Variants in PLXNA4 observed in about 807,000 individuals in gnomAD.
The protein encoded by PLXNA4 is plexin A4, also known as plexin-A4.
PLXNA4 carries 44 observed loss-of-function variants against 191.8 expected under a neutral mutation model. The ratio of observed to expected loss-of-function variants is 0.23; its 90% confidence interval spans 0.18 to 0.29. PLXNA4 has a LOEUF of 0.29. PLXNA4 is among the 10% of genes least tolerant of loss of function. The probability of loss-of-function intolerance (pLI) is 1.00; values close to 1 mark genes in which losing one functional copy is unlikely to be tolerated. For missense variants in PLXNA4, 1,800 were observed against 2,488.8 expected (o/e 0.72, Z 5.89); for synonymous variants, 1,082 against 1,009.5 (o/e 1.07, Z -1.36).
chr7:132,228,795 T>C (rs1211907580), intron 5 of PLXNA4, among the ~76,000 whole-genome samples: 2 of 152,184 alleles, frequency 1.3e-5, no homozygotes, highest in Non-Finnish European at 2.9e-5. Context: ...GCCATTCTCT[T>C]CTCCTCCTTA....
chr7:132,176,535 T>C (rs1796463034), intron 20 of PLXNA4, among the ~76,000 whole-genome samples: 1 of 152,070 alleles, frequency 6.6e-6, no homozygotes, highest in Non-Finnish European at 1.5e-5. Context: ...TATGTGAGTG[T>C]GTGAGTGTGA....
rs374386591 is a variant in PLXNA4, at chr7:132,620,183, CATA to C, written c.-87+25742_-87+25744del. Among the ~76,000 whole-genome samples the C allele has an allele frequency of 7.7e-3, 1,172 of 152,292 alleles. 10 individuals carry two copies. The highest frequency in any genetic ancestry group is 0.013 in the Non-Finnish European group (885 of 68,026). On this transcript the variant is annotated intron_variant, in intron 2 of 4. Coordinates refer to the PLXNA4 transcript ENST00000378539. ...ATGATCACCTACCAGTCTTGAAAGA[CATA>C]ATGACACATTCAGTATGCACGTTCT...
intron 3 of PLXNA4, among the ~76,000 whole-genome samples, chr7:132,324,973 G>A (rs1183099716): frequency 6.6e-6 from 1 of 152,140 alleles, no homozygotes; most frequent in Non-Finnish European, 1.5e-5. Context: ...AAACAGAGGA[G>A]AGCAGCCTCC....
chr7:132,534,056 T>C (rs1799733488), intron 1 of PLXNA4, among the ~76,000 whole-genome samples: 1 of 151,992 alleles, frequency 6.6e-6, no homozygotes, highest in Non-Finnish European at 1.5e-5. Flanking sequence ...GGTTGCTTTA[T>C]GAGAACTCCC....
intron 14 of PLXNA4, among the ~76,000 whole-genome samples, chr7:132,188,810 C>G (rs916335881): frequency 2.0e-5 from 3 of 151,870 alleles, no homozygotes; most frequent in African/African-American, 4.8e-5. Flanking sequence ...CATTTCACCT[C>G]TCTCATCAAC....
At chr7:132,558,861 T>C (rs1800910820) in intron 1 of PLXNA4, among the ~76,000 whole-genome samples, 1 of 151,962 alleles carries the variant, frequency 6.6e-6, no homozygotes, top group Non-Finnish European at 1.5e-5. Context: ...CATAAGAAGG[T>C]GGTACAAGAA....
intron 16 of PLXNA4, among the ~76,000 whole-genome samples, chr7:132,182,977 T>C (rs1369324001): frequency 6.6e-6 from 1 of 152,144 alleles, no homozygotes; most frequent in Non-Finnish European, 1.5e-5. Context: ...GTGGACTGTG[T>C]CCTCCAGGGG....
intron 2 of PLXNA4, among the ~76,000 whole-genome samples, chr7:132,639,367 T>A (rs10278518): frequency 0.042 from 6,360 of 152,282 alleles, 513 homozygotes; most frequent in East Asian, 0.28. Flanking sequence ...CTGTTTCTAT[T>A]TTCCTGAAAG....
intron 25 of PLXNA4, 65 bp from the exon 26 acceptor site, chr7:132,148,711 C>A (rs937848386): frequency 8.8e-5 from 141 of 1,607,046 alleles, no homozygotes; most frequent in Non-Finnish European, 1.2e-4. Flanking sequence ...AGCTGAGGAC[C>A]CTGTGTAGGT....
chr7:132,530,722 C>T (rs1799586762), intron 1 of PLXNA4, among the ~76,000 whole-genome samples: 1 of 152,196 alleles, frequency 6.6e-6, no homozygotes, highest in African/African-American at 2.4e-5. Context: ...ACCACATGAT[C>T]CAGCAATTCC....
At chr7:132,582,668 T>TGATTTCAGCCTTCAGAA (rs1258518492) in intron 2 of PLXNA4, among the ~76,000 whole-genome samples, 1 of 152,190 alleles carries the variant, frequency 6.6e-6, no homozygotes, top group Non-Finnish European at 1.5e-5. Context: ...AGCCTTCAGA[T>TGATTTCAGCCTTCAGAA]GATTTCAGCC....
At chr7:132,158,446 A>T (rs1005234483) in intron 25 of PLXNA4, among the ~76,000 whole-genome samples, 5 of 152,292 alleles carry the variant, frequency 3.3e-5, no homozygotes, top group Non-Finnish European at 5.9e-5. Context: ...ACACACATCA[A>T]TGCTTCTCCC....
Position 132,159,645 on chromosome 7 carries a change from T to C in PLXNA4, c.4501-13A>G, listed in dbSNP as rs761980193. The C allele has an allele frequency of 3.7e-6, 6 of 1,613,006 alleles. No individual in the cohort carries two copies. The highest frequency in any genetic ancestry group is 5.1e-6 in the Non-Finnish European group (6 of 1,179,584). ...CACAGCTCAGGACCTGAAGGAAAGG[T>C]GGGGAGAGGAAGCATATGAAATGGG... On this transcript the variant is annotated splice_polypyrimidine_tract_variant and intron_variant, in intron 24 of 31. Transcript: ENST00000321063.
intron 4 of PLXNA4, among the ~76,000 whole-genome samples, chr7:132,254,539 C>T (rs950154866): frequency 4.6e-5 from 7 of 152,164 alleles, no homozygotes; most frequent in African/African-American, 7.2e-5. Flanking sequence ...TATTAGGTGA[C>T]GATTAAATCC....
chr7:132,243,521 G>A (rs1798949844), intron 4 of PLXNA4, among the ~76,000 whole-genome samples: 2 of 152,134 alleles, frequency 1.3e-5, no homozygotes, highest in Admixed American at 6.5e-5. Flanking sequence ...TTTTGAAACT[G>A]GTGTTTAATA....
At position 132,561,399 on chromosome 7, in the gene PLXNA4, TTCC is replaced by T. The variant is rs575217577; in HGVS notation, c.-87+15020_-87+15022del. ...CCTCCTCCTCTTCCTCCTCCTCCTC[TTCC>T]TCCTCCTCCTCTTCCTCCTCCTCCT... On this transcript the variant is annotated intron_variant, in intron 1 of 31. Transcript: ENST00000321063. Among the ~76,000 whole-genome samples, 429 of 73,984 alleles carry T rather than the reference TTCC, an allele frequency of 5.8e-3. 1 individual carries two copies. The highest frequency in any genetic ancestry group is 0.021 in the African/African-American group (367 of 17,834). 48.5% of individuals were successfully genotyped at this position (73,984 alleles called of 152,430 possible). A position where few individuals can be genotyped will look rare whatever the true frequency, so the allele number is the denominator to read the frequency against.
At chr7:132,298,992 G>A (rs1801208651) in intron 3 of PLXNA4, among the ~76,000 whole-genome samples, 2 of 152,240 alleles carry the variant, frequency 1.3e-5, no homozygotes, top group Admixed American at 1.3e-4. Context: ...CCCCATGAAT[G>A]AGAACTAACC....
At chr7:132,635,103 C>T (rs1803570365) in intron 2 of PLXNA4, among the ~76,000 whole-genome samples, 1 of 151,392 alleles carries the variant, frequency 6.6e-6, no homozygotes, top group African/African-American at 2.4e-5. Context: ...CTCCTTGCTC[C>T]TCAGCTTGCA....
chr7:132,529,760 C>T (rs2116427192), intron 1 of PLXNA4, among the ~76,000 whole-genome samples: 1 of 152,218 alleles, frequency 6.6e-6, no homozygotes, highest in African/African-American at 2.4e-5. Context: ...TGCCTGCCAC[C>T]ATGCCCGGCT....
Sources: gnomAD v4.1 joint callset for allele counts (sites outside exome capture counted in the v4.1 genomes callset) on GRCh38, gnomAD v4.1.1 for gene constraint, MANE v1.5 for transcripts, NCBI Gene and HGNC (gene_info 2026-07-23, HGNC 2026-07-21) for gene names.